Variants in RBFOX3 observed in about 807,000 individuals in gnomAD.
The protein encoded by RBFOX3 is RNA binding protein fox-1 homolog 3.
Under a neutral mutation model 48.7 loss-of-function variants are expected in RBFOX3, and 17 were observed. The ratio of observed to expected loss-of-function variants is 0.35; its 90% CI spans 0.24 to 0.52. The LOEUF (loss-of-function observed/expected upper bound fraction) is 0.52, where lower values mean the gene tolerates loss of function less well. RBFOX3 is among the 20% of genes least tolerant of loss of function. RBFOX3 has a pLI of 0.94. For missense variants in RBFOX3, 382 were observed against 497.5 expected, an observed-to-expected ratio of 0.77 and a Z score of 2.21; for synonymous variants, 212 against 209.5, an observed-to-expected ratio of 1.01 and a Z score of -0.10.
chr17:79,244,022 C>T (rs1245766299), intron 3 of RBFOX3, among the ~76,000 whole-genome samples: 1 of 152,174 alleles, frequency 6.6e-6, no homozygotes, highest in Non-Finnish European at 1.5e-5. Flanking sequence ...TCCATAGACA[C>T]CCTCGGCCTT....
intron 4 of RBFOX3, chr17:79,233,619 T>A (rs979049870): frequency 3.3e-5 from 5 of 152,180 alleles, no homozygotes; most frequent in Admixed American, 1.3e-4. Context: ...ATTCCTTTTT[T>A]TTTTTTTAGA....
intron 2 of RBFOX3, among the ~76,000 whole-genome samples, chr17:79,448,558 G>A (rs1255003291): frequency 6.6e-6 from 1 of 152,188 alleles, no homozygotes; most frequent in African/African-American, 2.4e-5. Flanking sequence ...AGCTGGAGGA[G>A]GCAGGATGGA....
chr17:79,126,376 G>A (rs1055330657), intron 4 of RBFOX3, among the ~76,000 whole-genome samples: 2 of 152,204 alleles, frequency 1.3e-5, no homozygotes, highest in South Asian at 2.1e-4. Context: ...GCAGGTACCC[G>A]ATGTGAGCAC....
intron 1 of RBFOX3, among the ~76,000 whole-genome samples, chr17:79,558,740 G>A (rs1020615241): frequency 2.6e-5 from 4 of 152,228 alleles, no homozygotes; most frequent in African/African-American, 9.6e-5. Context: ...ACCACCCACA[G>A]TGCGCGGAGG....
chr17:79,100,769 C>G (rs2076284070), intron 9 of RBFOX3, among the ~76,000 whole-genome samples: 2 of 152,228 alleles, frequency 1.3e-5, no homozygotes. Flanking sequence ...AGGCCCCTTG[C>G]CGGATGGAGT....
the RBFOX3 span, among the ~76,000 whole-genome samples, chr17:79,662,978 G>T: frequency 6.6e-6 from 1 of 152,130 alleles, no homozygotes; most frequent in Non-Finnish European, 1.5e-5. Context: ...AGGAAACGTC[G>T]CTGTTTAAGT....
chr17:79,467,035 T>A (rs987325047), intron 2 of RBFOX3, among the ~76,000 whole-genome samples: 2 of 152,228 alleles, frequency 1.3e-5, no homozygotes, highest in South Asian at 4.1e-4. Context: ...GCCATATGCA[T>A]GCACTGCACA....
chr17:79,506,819 A>G (rs2083211465), intron 1 of RBFOX3, among the ~76,000 whole-genome samples: 1 of 152,230 alleles, frequency 6.6e-6, no homozygotes, highest in East Asian at 1.9e-4. Flanking sequence ...CCGGCAGAAC[A>G]TGGAATCCTG....
At chr17:79,228,658 A>G (rs1383979479) in intron 4 of RBFOX3, among the ~76,000 whole-genome samples, 1 of 152,226 alleles carries the variant, frequency 6.6e-6, no homozygotes, top group African/African-American at 2.4e-5. Context: ...AGCAGTGCCC[A>G]GGCTGCATCC....
At chr17:79,513,438 T>C (rs2084797680) in intron 1 of RBFOX3, among the ~76,000 whole-genome samples, 2 of 152,070 alleles carry the variant, frequency 1.3e-5, no homozygotes, top group African/African-American at 2.4e-5. Context: ...CATTCACCAT[T>C]GGGCATGGCT....
chr17:79,290,753 G>A (rs1313301627), intron 3 of RBFOX3, among the ~76,000 whole-genome samples: 3 of 152,166 alleles, frequency 2.0e-5, no homozygotes, highest in Non-Finnish European at 4.4e-5. Context: ...ACATCTCATC[G>A]AGCCTCCAGA....
chr17:79,157,119 C>T (rs2045982908), intron 4 of RBFOX3, among the ~76,000 whole-genome samples: 1 of 152,178 alleles, frequency 6.6e-6, no homozygotes, highest in Non-Finnish European at 1.5e-5. Flanking sequence ...TCAGAGAAAC[C>T]CCTCCGGTGT....
chr17:79,098,193 T>C (rs565341058), intron 9 of RBFOX3: 92 of 171,460 alleles, frequency 5.4e-4, no homozygotes, highest in African/African-American at 2.1e-3. Context: ...GGAAAGGCGC[T>C]TGGACTCTGC....
chr17:79,356,947 G>A (rs1252362002), intron 2 of RBFOX3, among the ~76,000 whole-genome samples: 1 of 152,132 alleles, frequency 6.6e-6, no homozygotes, highest in Non-Finnish European at 1.5e-5. Context: ...CACTGAGATG[G>A]GACACTTGGC....
rs573468150 is a variant in RBFOX3 at position 79,260,181 on chromosome 17, G to A, written c.-73-24376C>T. ...TTAATCATCAAATAAGGAGGTACAGGGGGAGGTGGAATGGGAGCCTGCCTT... is the reference window on the plus strand; with the variant it reads ...TTAATCATCAAATAAGGAGGTACAGAGGGAGGTGGAATGGGAGCCTGCCTT... On this transcript the variant is annotated intron_variant, in intron 3 of 14. Transcript: ENST00000693108. 1.4e-4 allele frequency among the ~76,000 whole-genome samples: 21 copies of A among 152,148 alleles called. No individual in the cohort carries two copies. The Middle Eastern group carries it at 0.014, about 99-fold the overall frequency.
At chr17:79,230,607 G>A (rs1030147434) in intron 4 of RBFOX3, among the ~76,000 whole-genome samples, 1 of 152,186 alleles carries the variant, frequency 6.6e-6, no homozygotes, top group Non-Finnish European at 1.5e-5. Flanking sequence ...ACGCTGTGAA[G>A]CAGTCTTGCT....
intron 1 of RBFOX3, among the ~76,000 whole-genome samples, chr17:79,544,871 G>A (rs990495668): frequency 4.5e-4 from 67 of 148,682 alleles, no homozygotes; most frequent in African/African-American, 1.4e-3. Flanking sequence ...CCCAACACCC[G>A]CACCCCAAAC....
chr17:79,325,589 C>T (rs1398216902), intron 2 of RBFOX3, among the ~76,000 whole-genome samples: 1 of 152,250 alleles, frequency 6.6e-6, no homozygotes, highest in Admixed American at 6.5e-5. Flanking sequence ...AAAGGTCACT[C>T]AAAGCCACCT....
intron 2 of RBFOX3, among the ~76,000 whole-genome samples, chr17:79,319,482 A>G (rs979816319): frequency 3.3e-5 from 5 of 151,982 alleles, no homozygotes; most frequent in Non-Finnish European, 7.4e-5. Flanking sequence ...AACCCCCTCC[A>G]AGAGCAGCCT....
Sources: gnomAD v4.1 joint callset for allele counts (sites outside exome capture counted in the v4.1 genomes callset) on GRCh38, gnomAD v4.1.1 for gene constraint, MANE v1.5 for transcripts, NCBI Gene and HGNC (gene_info 2026-07-23, HGNC 2026-07-21) for gene names.